Variants in LRRC28 observed in about 807,000 individuals in gnomAD.
LRRC28 encodes the protein leucine rich repeat containing 28.
A neutral mutation model predicts 45.7 loss-of-function variants in LRRC28; 39 were observed. The observed-to-expected ratio is 0.85, with a 90% confidence interval of 0.66 to 1.12. LRRC28 has a LOEUF of 1.12. LRRC28 is among the 50% of genes most tolerant of loss of function. The probability of loss-of-function intolerance (pLI) is 0.00; values close to 1 mark genes in which losing one functional copy is unlikely to be tolerated. For missense variants in LRRC28, 435 were observed against 438.5 expected, an observed-to-expected ratio of 0.99 and a Z score of 0.07; for synonymous variants, 206 against 178.8, an observed-to-expected ratio of 1.15 and a Z score of -1.22.
intron 3 of LRRC28, among the ~76,000 whole-genome samples, chr15:99,282,322 A>G (rs868308516): frequency 4.3e-4 from 66 of 152,102 alleles, no homozygotes; most frequent in African/African-American, 1.5e-3. Flanking sequence ...CCTGTTCTAC[A>G]GTCCAGAATT....
At position 99,377,108 on chromosome 15, in the gene LRRC28, A is replaced by C. The variant is rs536907202; in HGVS notation, c.1032-8922A>C. 2.0e-5 allele frequency among the ~76,000 whole-genome samples: 3 copies of C among 152,160 alleles called. No individual in the cohort carries two copies. The East Asian group carries it at 5.8e-4, about 29-fold the overall frequency. On this transcript the variant is annotated intron_variant, in intron 9 of 9. Coordinates refer to ENST00000301981, the MANE Select transcript of LRRC28 (RefSeq NM_144598.5). The stretch of plus-strand genomic sequence containing the variant: ...TGGTATTTCTAGTTCTAGATCCTTG[A>C]GGAATTGCCACACTGACTTCCACAA...
intron 9 of LRRC28, chr15:99,384,571 T>G (rs1348567573): frequency 6.6e-6 from 1 of 152,174 alleles, no homozygotes; most frequent in African/African-American, 2.4e-5. Flanking sequence ...GGCACTAAGC[T>G]TATTGTTTTC....
At chr15:99,317,170 A>G (rs532126857) in intron 5 of LRRC28, among the ~76,000 whole-genome samples, 2 of 152,336 alleles carry the variant, frequency 1.3e-5, no homozygotes, top group South Asian at 2.1e-4. Context: ...GCAGGGTCCA[A>G]AATAATTCCT....
At chr15:99,385,742 ATTTG>A (rs1328513144) in intron 9 of LRRC28, among the ~76,000 whole-genome samples, 11 of 142,036 alleles carry the variant, frequency 7.7e-5, no homozygotes, top group African/African-American at 2.9e-4. Flanking sequence ...TGGAAAAGGC[ATTTG>A]TTTTTTTTTT....
intron 3 of LRRC28, among the ~76,000 whole-genome samples, chr15:99,281,695 G>A (rs182465351): frequency 2.0e-5 from 3 of 152,186 alleles, no homozygotes; most frequent in Admixed American, 2.0e-4. Flanking sequence ...AAATTTTATT[G>A]TGTCCCTTTT....
chr15:99,352,450 A>G lies in LRRC28; in HGVS notation c.674A>G (p.Asn225Ser). The G allele has an allele frequency of 6.2e-7, 1 of 1,613,858 alleles. No individual in the cohort carries two copies. Among genetic ancestry groups the G allele is most frequent in the Non-Finnish European group, 8.5e-7 (1 of 1,179,866 alleles). Residue 225 changes from asparagine (N) to serine (S), a missense_variant, in exon 7 of 10, where the codon AAT becomes AGT. Physicochemically the swap from Asn to Ser is conservative, Grantham distance 46. Coordinates refer to ENST00000301981, the MANE Select transcript of LRRC28 (RefSeq NM_144598.5). ...AAAGGCTTGCCATCTTATCTGTACAATAAAGTCATCGGGTGCAGTGGGTAA... is the reference window on the plus strand; with the variant it reads ...AAAGGCTTGCCATCTTATCTGTACAGTAAAGTCATCGGGTGCAGTGGGTAA... ...HLKGLPSYLY[N>S]KVIGCSGCGA... is the part of the protein sequence containing the mutation.
At chr15:99,254,341 TAGCC>T (rs1342295894) in intron 1 of LRRC28, among the ~76,000 whole-genome samples, 1 of 152,084 alleles carries the variant, frequency 6.6e-6, no homozygotes, top group East Asian at 1.9e-4. Context: ...GCTAGCTCAT[TAGCC>T]AGGAATTAGA....
At chr15:99,335,820 T>C (rs1044560050) in intron 6 of LRRC28, among the ~76,000 whole-genome samples, 3 of 152,064 alleles carry the variant, frequency 2.0e-5, no homozygotes, top group Non-Finnish European at 4.4e-5. Context: ...CAGTCAGTGC[T>C]GGCAATACAT....
At chr15:99,285,099 C>G in intron 3 of LRRC28, 1 of 702,500 alleles carries the variant, frequency 1.4e-6, no homozygotes, top group Non-Finnish European at 2.6e-6. Flanking sequence ...GAGTGACAGT[C>G]TTATCCACGA....
intron 3 of LRRC28, among the ~76,000 whole-genome samples, chr15:99,284,341 C>T (rs897705116): frequency 1.3e-5 from 2 of 150,740 alleles, no homozygotes; most frequent in African/African-American, 4.8e-5. Context: ...TAGCAATCAA[C>T]AGCATGAGTG....
chr15:99,255,894 A>C lies in LRRC28; in HGVS notation c.-60-4A>C, dbSNP rs780828890. On this transcript the variant is annotated splice_region_variant and splice_polypyrimidine_tract_variant and intron_variant, in intron 1 of 9. Transcript: ENST00000301981. ...ATGAATAAATTTTCTCGTTCTCTTTATAGAAATGGACCAATTTTGACAAGA... is the reference window on the plus strand; with the variant it reads ...ATGAATAAATTTTCTCGTTCTCTTTCTAGAAATGGACCAATTTTGACAAGA... The C allele has an allele frequency of 6.7e-7, 1 of 1,502,202 alleles. No individual in the cohort carries two copies. The allele number at this position is 1,502,202 out of a possible 1,614,324, so 93.1% of individuals were successfully genotyped here.
chr15:99,319,400 C>A (rs1780430495), intron 5 of LRRC28, among the ~76,000 whole-genome samples: 1 of 152,088 alleles, frequency 6.6e-6, no homozygotes, highest in South Asian at 2.1e-4. Context: ...TGTACAGACA[C>A]AAAGCGATAA....
rs1956043489 is a variant in LRRC28 at position 99,328,115 on chromosome 15, G to A, written c.386-5808G>A. 2.6e-5 allele frequency among the ~76,000 whole-genome samples: 4 copies of A among 152,304 alleles called. No homozygotes were observed. In the South Asian group the frequency reaches 8.3e-4, roughly 32 times the overall value. ...ATTCTTTTAAATGTGAGACTTAATA[G>A]TCTAGCATGTGGTCTGTCCTGGAGA... On this transcript the variant is annotated intron_variant, in intron 5 of 9. Coordinates refer to ENST00000301981, the MANE Select transcript of LRRC28 (RefSeq NM_144598.5).
intron 9 of LRRC28, chr15:99,384,727 G>A (rs1251053967): frequency 6.6e-6 from 1 of 152,140 alleles, no homozygotes; most frequent in Non-Finnish European, 1.5e-5. Context: ...AGTGATATTT[G>A]AGTAACCATG....
chr15:99,263,029 G>A (rs1179118749), intron 2 of LRRC28, among the ~76,000 whole-genome samples: 1 of 151,816 alleles, frequency 6.6e-6, no homozygotes, highest in Admixed American at 6.6e-5. Context: ...AGTTGTGGGG[G>A]CCGGGTGCAG....
chr15:99,289,471 G>C (rs1223765744), intron 5 of LRRC28, among the ~76,000 whole-genome samples: 1 of 152,090 alleles, frequency 6.6e-6, no homozygotes, highest in Admixed American at 6.5e-5. Flanking sequence ...TAGAACTTCA[G>C]GGTTGCAAGA....
chr15:99,308,706 C>A (rs1955286533), intron 5 of LRRC28, among the ~76,000 whole-genome samples: 1 of 152,118 alleles, frequency 6.6e-6, no homozygotes, highest in Admixed American at 6.5e-5. Context: ...TAATCATGTA[C>A]TAGCTTATAA....
chr15:99,312,044 A>G (rs1350354898), intron 5 of LRRC28, among the ~76,000 whole-genome samples: 1 of 152,164 alleles, frequency 6.6e-6, no homozygotes, highest in Non-Finnish European at 1.5e-5. Context: ...AACCCTCAAG[A>G]ATTATAGCTA....
At chr15:99,348,199 GTTAT>G (rs1245891540) in intron 6 of LRRC28, among the ~76,000 whole-genome samples, 3 of 152,074 alleles carry the variant, frequency 2.0e-5, no homozygotes, top group Non-Finnish European at 4.4e-5. Flanking sequence ...GTGGTTTGTA[GTTAT>G]TTGTTTTCCC....
Sources: allele counts gnomAD v4.1 joint callset (sites outside exome capture counted in the v4.1 genomes callset), GRCh38; gene constraint gnomAD v4.1.1; transcripts MANE v1.5; gene names NCBI Gene and HGNC (gene_info 2026-07-23, HGNC 2026-07-21).